Variants in PSPC1 observed in about 807,000 individuals in gnomAD.
PSPC1 encodes paraspeckle component 1, also known as paraspeckle protein 1.
In PSPC1, 14 loss-of-function variants were observed where a neutral mutation model predicts 51.6. The observed-to-expected ratio is 0.27, with a 90% confidence interval of 0.18 to 0.42. The LOEUF is 0.42. PSPC1 is among the 10% of genes least tolerant of loss of function. The pLI, the probability that PSPC1 is intolerant of heterozygous loss-of-function variation, is 1.00. For missense variants in PSPC1, 406 were observed against 701.1 expected, an observed-to-expected ratio of 0.58 and a Z score of 4.75; for synonymous variants, 193 against 231.9, an observed-to-expected ratio of 0.83 and a Z score of 1.53.
downstream of PSPC1, chr13:19,673,098 G>GT (rs10531847): frequency 0.026 from 10,648 of 404,020 alleles, 57 homozygotes; most frequent in Non-Finnish European, 0.031. Flanking sequence ...GTTTTTTTTT[G>GT]TTTTTTTTTT....
rs567566661 is a variant in PSPC1 at position 19,733,178 on chromosome 13, A to G, written c.1053-2834T>C. 3.3e-5 allele frequency among the ~76,000 whole-genome samples: 5 copies of G among 152,342 alleles called. No homozygotes were observed. In the South Asian group the frequency reaches 1.0e-3, roughly 32 times the overall value. Reference sequence around the variant, plus strand: ...AAGATCAAGGACACATTAATCAGTTATAAATGGGAGACAAGGTTCACTGAC... The same window carrying G: ...AAGATCAAGGACACATTAATCAGTTGTAAATGGGAGACAAGGTTCACTGAC... On this transcript the variant is annotated intron_variant, in intron 5 of 8. Coordinates refer to ENST00000338910, the MANE Select transcript of PSPC1 (RefSeq NM_001354909.2).
downstream of PSPC1, chr13:19,671,926 T>C: frequency 6.4e-7 from 1 of 1,569,600 alleles, no homozygotes; most frequent in Non-Finnish European, 8.8e-7. Flanking sequence ...TCCTATACTC[T>C]CTTTGACAGC....
chr13:19,772,096 A>G (rs1888677525), intron 2 of PSPC1, 146 bp downstream of exon 2: 4 of 877,110 alleles, frequency 4.6e-6, no homozygotes, highest in Non-Finnish European at 6.8e-6. Context: ...CCAGTACACG[A>G]AAATTTCTTA....
rs550335117 is a variant in PSPC1, at chr13:19,720,018, C to G, written c.1158+10221G>C. 2.0e-5 allele frequency among the ~76,000 whole-genome samples: 3 copies of G among 152,240 alleles called. 1 individual carries two copies. The South Asian group carries it at 6.2e-4, about 32-fold the overall frequency. On this transcript the variant is annotated intron_variant, in intron 6 of 8. Coordinates refer to ENST00000338910, the MANE Select transcript of PSPC1 (RefSeq NM_001354909.2). ...TAATGCATACACCTGAGAGCATTTT[C>G]AAGATTACCAGTTTCAATTGTCAGG...
chr13:19,679,130 C>T (rs1876995354), intron 6 of PSPC1: 1 of 152,202 alleles, frequency 6.6e-6, no homozygotes, highest in South Asian at 2.1e-4. Context: ...CAGCAATTGG[C>T]ATTCTATCTA....
downstream of PSPC1, among the ~76,000 whole-genome samples, chr13:19,699,698 TTACTTTAAAG>T: frequency 4.7e-5 from 1 of 21,372 alleles, no homozygotes; most frequent in Non-Finnish European, 2.8e-4. Flanking sequence ...AGCCTGCTAC[TTACTTTAAAG>T]TAGTTTGCCA....
At chr13:19,753,586 G>A (rs564740813) in intron 3 of PSPC1, among the ~76,000 whole-genome samples, 106 of 152,124 alleles carry the variant, frequency 7.0e-4, no homozygotes, top group African/African-American at 2.5e-3. Flanking sequence ...ATAACAGCCT[G>A]TATTTAAAAG....
intron 6 of PSPC1, among the ~76,000 whole-genome samples, chr13:19,715,190 CAAT>C (rs1433074381): frequency 6.6e-6 from 1 of 151,910 alleles, no homozygotes; most frequent in African/African-American, 2.4e-5. Flanking sequence ...TTGGCACCCT[CAAT>C]AATTTTTAAT....
chr13:19,772,536 C>T lies in PSPC1; in HGVS notation c.380G>A (p.Arg127Lys). 1 of 1,580,922 alleles carries T rather than the reference C, an allele frequency of 6.3e-7. No homozygotes were observed. Among genetic ancestry groups the T allele is most frequent in the Non-Finnish European group, 8.6e-7 (1 of 1,164,550 alleles). ...TGCTTTTGCAATTTCAGCCAGGGTT[C>T]TGGATTCCTTTTTAGGAAGAAAAAA... Reference protein sequence around the residue: ...RGFGFIRLESRTLAEIAKAEL... With the variant: ...RGFGFIRLESKTLAEIAKAEL... Residue 127 changes from arginine to lysine, a missense_variant, in exon 2 of 9, where the codon AGA (arginine) becomes AAA (lysine). Coordinates refer to ENST00000338910, the MANE Select transcript of PSPC1 (RefSeq NM_001354909.2).
intron 4 of PSPC1, among the ~76,000 whole-genome samples, chr13:19,748,692 T>C (rs1886239522): frequency 6.6e-6 from 1 of 151,274 alleles, no homozygotes; most frequent in Non-Finnish European, 1.5e-5. Context: ...AAATCTTTAG[T>C]ACAGATGCTT....
At chr13:19,671,627 C>T (rs1486777572), downstream of PSPC1, among the ~76,000 whole-genome samples, 2 of 152,144 alleles carry the variant, frequency 1.3e-5, no homozygotes, top group Non-Finnish European at 2.9e-5. Context: ...ACAAAATAGT[C>T]TCTCTAATAA....
intron 7 of PSPC1, chr13:19,677,682 C>A: frequency 2.4e-6 from 1 of 423,098 alleles, no homozygotes; most frequent in South Asian, 1.7e-5. Context: ...GAAACGAATA[C>A]TCAAGGATCT....
chr13:19,739,862 TA>T (rs1005642453), intron 5 of PSPC1, among the ~76,000 whole-genome samples: 2,836 of 129,370 alleles, frequency 0.022, 46 homozygotes, highest in East Asian at 0.07. Context: ...GAGAGTTGTT[TA>T]AAAAAAAAAA....
At chr13:19,721,547 A>G (rs1392992626) in intron 6 of PSPC1, among the ~76,000 whole-genome samples, 3 of 152,184 alleles carry the variant, frequency 2.0e-5, no homozygotes, top group African/African-American at 7.2e-5. Context: ...TACACACACA[A>G]AAGTACCAAG....
rs570497427 is a variant in PSPC1 at position 19,690,131 on chromosome 13, C to T, written c.1159-12308G>A. On this transcript the variant is annotated intron_variant and NMD_transcript_variant, in intron 6 of 7. Coordinates refer to the PSPC1 transcript ENST00000471658. ...AAGAGTTTTTCAATCTATGTCAGTA[C>T]AATATATCCAATGTATCAAAACCTG... is the stretch of plus-strand genomic sequence containing the variant. Among the ~76,000 whole-genome samples, 5 of 152,300 alleles carry T rather than the reference C, an allele frequency of 3.3e-5. No individual in the cohort carries two copies. The East Asian group carries it at 5.8e-4, about 18-fold the overall frequency.
In PSPC1 at chr13:19,730,951, AAAAAAC is replaced by A. The variant is rs1307904733; in HGVS notation, c.1053-613_1053-608del. Among the ~76,000 whole-genome samples, 53 of 29,380 alleles carry A rather than the reference AAAAAAC, an allele frequency of 1.8e-3. 4 individuals carry two copies. Among genetic ancestry groups the A allele is most frequent in the African/African-American group, 2.5e-3 (47 of 18,532 alleles). 19.3% of individuals were successfully genotyped at this position (29,380 alleles called of 152,430 possible). A position where few individuals can be genotyped will look rare whatever the true frequency, so the allele number is the denominator to read the frequency against. On this transcript the variant is annotated intron_variant, in intron 5 of 8. Coordinates refer to ENST00000338910, the MANE Select transcript of PSPC1 (RefSeq NM_001354909.2). ...AACAGTGAGACCCTGTCTCAGAAAA[AAAAAAC>A]AAAAAAACAAAAAAAAAAAAAACAG...
intron 1 of PSPC1, among the ~76,000 whole-genome samples, chr13:19,781,209 GCT>G (rs1889933311): frequency 6.6e-6 from 1 of 150,790 alleles, no homozygotes; most frequent in African/African-American, 2.4e-5. Flanking sequence ...ACGGGATCTC[GCT>G]CTGTCGCCCA....
chr13:19,697,604 T>G (rs1879411484), downstream of PSPC1, among the ~76,000 whole-genome samples: 1 of 152,192 alleles, frequency 6.6e-6, no homozygotes, highest in Non-Finnish European at 1.5e-5. Context: ...GTGTAAAGCA[T>G]TCAAGTCTGG....
At chr13:19,777,299 G>T (rs576328651) in intron 1 of PSPC1, among the ~76,000 whole-genome samples, 1 of 149,848 alleles carries the variant, frequency 6.7e-6, no homozygotes, top group Admixed American at 6.7e-5. Flanking sequence ...GCATGAAGGC[G>T]GGCGCCTGTA....
Sources: allele counts gnomAD v4.1 joint callset (sites outside exome capture counted in the v4.1 genomes callset), GRCh38; gene constraint gnomAD v4.1.1; transcripts MANE v1.5; gene names NCBI Gene and HGNC (gene_info 2026-07-23, HGNC 2026-07-21).